XIRP2: variants seen among roughly 807,000 people sequenced by gnomAD.
XIRP2 encodes xin actin-binding repeat-containing protein 2.
A neutral mutation model predicts 277.0 loss-of-function variants in XIRP2; 236 were observed. The observed-to-expected ratio is 0.85, with a 90% CI of 0.77 to 0.95. The LOEUF (loss-of-function observed/expected upper bound fraction) is 0.95, where lower values mean the gene tolerates loss of function less well. Among genes scored for constraint, XIRP2 ranks in the 40% least tolerant of loss-of-function variants. The probability of loss-of-function intolerance (pLI) is 0.00; values close to 1 mark genes in which losing one functional copy is unlikely to be tolerated. For missense variants in XIRP2, 4,640 were observed against 4,157.5 expected (o/e 1.12, Z -3.19); for synonymous variants, 1,490 against 1,416.5 (o/e 1.05, Z -1.17).
At chr2:166,924,443 A>G (rs555911329) in intron 2 of XIRP2, among the ~76,000 whole-genome samples, 4 of 152,150 alleles carry the variant, frequency 2.6e-5, no homozygotes, top group African/African-American at 9.6e-5. Flanking sequence ...GCATAAACTG[A>G]TAACAAGTGT....
At chr2:167,175,662 C>T (rs1040886159) in intron 3 of XIRP2, among the ~76,000 whole-genome samples, 7 of 152,162 alleles carry the variant, frequency 4.6e-5, no homozygotes, top group African/African-American at 1.2e-4. Flanking sequence ...AGAGCTTGAA[C>T]GCTGTCCTTG....
At chr2:167,116,338 T>C (rs1005578069) in intron 2 of XIRP2, among the ~76,000 whole-genome samples, 1 of 152,214 alleles carries the variant, frequency 6.6e-6, no homozygotes, top group African/African-American at 2.4e-5. Context: ...ACATACAGAA[T>C]TAGGATTGAA....
In XIRP2 at chr2:167,193,923, A is replaced by G. The variant is rs138053037; in HGVS notation, c.563-16812A>G. Among the ~76,000 whole-genome samples the G allele has an allele frequency of 6.9e-4, 104 of 151,682 alleles. 2 individuals are homozygous for G. The East Asian group carries it at 0.02, about 29-fold the overall frequency. ...AAATTCAGTGAGATACTGACACAGT[A>G]TCTTGTAATTATTTGTATTGAGGAA... On this transcript the variant is annotated intron_variant, in intron 3 of 10. Coordinates refer to ENST00000409195, the MANE Select transcript of XIRP2 (RefSeq NM_152381.6).
chr2:167,171,619 T>C (rs1692692145), intron 3 of XIRP2, among the ~76,000 whole-genome samples: 1 of 152,228 alleles, frequency 6.6e-6, no homozygotes, highest in African/African-American at 2.4e-5. Flanking sequence ...TTCACCGATA[T>C]TAGTCTGCTT....
At chr2:167,080,989 T>A (rs1395453753) in intron 2 of XIRP2, among the ~76,000 whole-genome samples, 1 of 152,178 alleles carries the variant, frequency 6.6e-6, no homozygotes, top group East Asian at 1.9e-4. Flanking sequence ...TAATTATTAT[T>A]TTTAAATGAG....
At chr2:167,195,714 C>G (rs569243449) in intron 3 of XIRP2, among the ~76,000 whole-genome samples, 1 of 152,244 alleles carries the variant, frequency 6.6e-6, no homozygotes, top group Admixed American at 6.5e-5. Context: ...TGAAATGGCG[C>G]AATGCACCAG....
chr2:167,249,217 C>G lies in XIRP2; in HGVS notation c.7825C>G (p.Gln2609Glu). 2 of 1,613,712 alleles carry G rather than the reference C, an allele frequency of 1.2e-6. No individual in the cohort carries two copies. The highest frequency in any genetic ancestry group is 2.2e-5 in the South Asian group (2 of 91,074). Residue 2609 changes from glutamine (Q) to glutamate (E), a missense_variant, in exon 9 of 11, where the codon CAA becomes GAA. Physicochemically the swap from Gln to Glu is conservative, Grantham distance 29. Transcript: ENST00000409195. ...SGIDSECTVV[Q>E]PSPGSQSNAR... ...AATTGATTCAGAATGCACTGTGGTT[C>G]AACCCAGCCCAGGCTCTCAAAGTAA...
intron 3 of XIRP2, chr2:167,184,635 A>G (rs1467405453): frequency 2.8e-6 from 2 of 716,788 alleles, no homozygotes; most frequent in Admixed American, 4.0e-5. Context: ...TCCTCAACTT[A>G]TATTTGTAAG....
chr2:167,222,850 A>G (rs1694472714), intron 5 of XIRP2, among the ~76,000 whole-genome samples: 1 of 151,822 alleles, frequency 6.6e-6, no homozygotes, highest in South Asian at 2.1e-4. Flanking sequence ...TATTTTTAGG[A>G]CTTTCTTCCT....
At position 167,245,974 on chromosome 2, in the gene XIRP2, C is replaced by G. The variant is rs371161496; in HGVS notation, c.4582C>G (p.Leu1528Val). 1.2e-6 allele frequency: 2 copies of G among 1,613,464 alleles called. No homozygotes were observed. The highest frequency in any genetic ancestry group is 1.7e-5 in the Admixed American group (1 of 59,966). Residue 1528 changes from leucine to valine, a missense_variant, in exon 9 of 11, where the codon CTC becomes GTC. Transcript: ENST00000409195. ...PPSDVKTTTW[L>V]FETTPLHEFN... ...TTCTGATGTCAAAACAACCACATGG[C>G]TCTTTGAAACAACACCACTTCATGA...
intron 3 of XIRP2, among the ~76,000 whole-genome samples, chr2:167,192,550 G>A (rs984617791): frequency 1.3e-5 from 2 of 152,164 alleles, no homozygotes; most frequent in Non-Finnish European, 2.9e-5. Context: ...GCAAGTTGGA[G>A]TTTTTTAATC....
At position 167,191,217 on chromosome 2, in the gene XIRP2, GAAAGA is replaced by G. The variant is rs376744900; in HGVS notation, c.563-19497_563-19493del. Among the ~76,000 whole-genome samples, 899 of 148,170 alleles carry G rather than the reference GAAAGA, an allele frequency of 6.1e-3. 11 individuals are homozygous for G. The highest frequency in any genetic ancestry group is 0.017 in the Admixed American group (249 of 14,880). On this transcript the variant is annotated intron_variant, in intron 3 of 10. Coordinates refer to ENST00000409195, the MANE Select transcript of XIRP2 (RefSeq NM_152381.6). ...AAAAAAAAAAAGAAAAAGAAAGAAA[GAAAGA>G]AAAGAAAAGAAAAGAAAAGACATTG...
chr2:167,234,511 T>C (rs1694846677), intron 5 of XIRP2, among the ~76,000 whole-genome samples: 1 of 151,584 alleles, frequency 6.6e-6, no homozygotes, highest in Non-Finnish European at 1.5e-5. Flanking sequence ...CAATAACTAT[T>C]GTTTGAATAA....
intron 1 of XIRP2, among the ~76,000 whole-genome samples, chr2:166,899,809 T>A (rs946607160): frequency 6.6e-6 from 1 of 152,102 alleles, no homozygotes; most frequent in Non-Finnish European, 1.5e-5. Context: ...AGGCAATAGA[T>A]TGAAAACTGA....
At chr2:166,941,250 T>C (rs1685705874) in intron 2 of XIRP2, among the ~76,000 whole-genome samples, 1 of 152,226 alleles carries the variant, frequency 6.6e-6, no homozygotes, top group Admixed American at 6.5e-5. Context: ...AAGCCATGCA[T>C]GGGATATAAT....
intron 3 of XIRP2, among the ~76,000 whole-genome samples, chr2:167,174,009 G>A (rs1248388071): frequency 1.3e-5 from 2 of 152,064 alleles, no homozygotes; most frequent in East Asian, 3.9e-4. Context: ...TGCTGGATTC[G>A]GTTTGCCAGT....
At chr2:167,126,805 A>G (rs965739275) in intron 2 of XIRP2, among the ~76,000 whole-genome samples, 2 of 152,136 alleles carry the variant, frequency 1.3e-5, no homozygotes, top group African/African-American at 2.4e-5. Flanking sequence ...CTTTGATCAC[A>G]TGTCCTGCTG....
chr2:166,927,999 A>G (rs527942408), intron 2 of XIRP2, among the ~76,000 whole-genome samples: 1 of 152,280 alleles, frequency 6.6e-6, no homozygotes, highest in South Asian at 2.1e-4. Flanking sequence ...ACATTCAAAA[A>G]TGGAACTGTT....
At chr2:167,139,398 A>G (rs1691647764) in intron 3 of XIRP2, among the ~76,000 whole-genome samples, 1 of 152,222 alleles carries the variant, frequency 6.6e-6, no homozygotes, top group African/African-American at 2.4e-5. Context: ...CTTCTAAGTC[A>G]TCAACATGTA....
Sources: gnomAD v4.1 joint callset for allele counts (sites outside exome capture counted in the v4.1 genomes callset) on GRCh38, gnomAD v4.1.1 for gene constraint, MANE v1.5 for transcripts, NCBI Gene and HGNC (gene_info 2026-07-23, HGNC 2026-07-21) for gene names.